MPPED2: variants seen among roughly 807,000 people sequenced by gnomAD.
The protein encoded by MPPED2 is metallophosphoesterase domain containing 2, also known as metallophosphoesterase MPPED2.
In MPPED2, 5 loss-of-function variants were observed where a neutral mutation model predicts 33.0. The ratio of observed to expected loss-of-function variants is 0.15; its 90% CI spans 0.08 to 0.32. MPPED2 has a LOEUF of 0.32. Among genes scored for constraint, MPPED2 ranks in the 10% least tolerant of loss-of-function variants. The pLI, the probability that MPPED2 is intolerant of heterozygous loss-of-function variation, is 1.00. For missense variants in MPPED2, 275 were observed against 372.1 expected (o/e 0.74, Z 2.15); for synonymous variants, 136 against 141.9 (o/e 0.96, Z 0.29).
At chr11:30,470,119 A>G (rs1251718344) in intron 4 of MPPED2, among the ~76,000 whole-genome samples, 1 of 152,106 alleles carries the variant, frequency 6.6e-6, no homozygotes, top group African/African-American at 2.4e-5. Context: ...ATGAAAATTT[A>G]TTATTCATTT....
chr11:30,514,081 T>G (rs1953381659), intron 3 of MPPED2, among the ~76,000 whole-genome samples: 1 of 152,190 alleles, frequency 6.6e-6, no homozygotes, highest in African/African-American at 2.4e-5. Flanking sequence ...CTTTCCTCAA[T>G]AGCACAGCCC....
At chr11:30,554,606 TCA>T (rs1955879143) in intron 2 of MPPED2, among the ~76,000 whole-genome samples, 5 of 142 alleles carry the variant, frequency 0.035, no homozygotes, top group African/African-American at 0.12. Context: ...TTCTCGTGCC[TCA>T]CTCAGCCTCC....
chr11:30,548,034 G>T (rs922673024), intron 2 of MPPED2, among the ~76,000 whole-genome samples: 1 of 152,120 alleles, frequency 6.6e-6, no homozygotes, highest in Non-Finnish European at 1.5e-5. Context: ...TCAGCAAACA[G>T]TGAGGTCACT....
chr11:30,429,259 C>T (rs1378320172), intron 4 of MPPED2: 3 of 152,178 alleles, frequency 2.0e-5, no homozygotes, highest in Non-Finnish European at 4.4e-5. Flanking sequence ...AGGAAAGCAC[C>T]TTCTGATAAG....
chr11:30,517,375 T>C (rs1335024196), intron 3 of MPPED2, among the ~76,000 whole-genome samples: 1 of 152,214 alleles, frequency 6.6e-6, no homozygotes, highest in Non-Finnish European at 1.5e-5. Context: ...ACTGGGCATA[T>C]TTCCCTAATA....
chr11:30,455,929 T>C (rs532333530), intron 4 of MPPED2, among the ~76,000 whole-genome samples: 5 of 152,356 alleles, frequency 3.3e-5, no homozygotes, highest in African/African-American at 1.2e-4. Flanking sequence ...CATGACTCTG[T>C]TTCTCCACTC....
intron 2 of MPPED2, among the ~76,000 whole-genome samples, chr11:30,568,075 C>A (rs1244145413): frequency 6.6e-6 from 1 of 152,166 alleles, no homozygotes; most frequent in Admixed American, 6.5e-5. Flanking sequence ...TAAAGACACA[C>A]AATATTATTA....
intron 3 of MPPED2, among the ~76,000 whole-genome samples, chr11:30,516,016 C>T (rs569090397): frequency 6.6e-6 from 1 of 152,294 alleles, no homozygotes; most frequent in Admixed American, 6.5e-5. Context: ...ATAGCAGGCA[C>T]AGCAAATGCA....
chr11:30,531,418 T>C (rs1954520564), intron 3 of MPPED2, among the ~76,000 whole-genome samples: 1 of 152,148 alleles, frequency 6.6e-6, no homozygotes, highest in South Asian at 2.1e-4. Context: ...CCTCCAGCTG[T>C]CTGATATAGG....
At chr11:30,524,289 G>A (rs780993744) in intron 3 of MPPED2, among the ~76,000 whole-genome samples, 1 of 151,954 alleles carries the variant, frequency 6.6e-6, no homozygotes, top group East Asian at 1.9e-4. Context: ...AAATAAGAGA[G>A]AGAACAGGGG....
chr11:30,425,122 C>A (rs758196079), intron 4 of MPPED2, among the ~76,000 whole-genome samples: 5 of 152,128 alleles, frequency 3.3e-5, no homozygotes, highest in Non-Finnish European at 7.3e-5. Context: ...ATAATGTGGT[C>A]TGTGTGTCAT....
At chr11:30,547,839 A>C (rs1286062682) in intron 2 of MPPED2, among the ~76,000 whole-genome samples, 1 of 151,016 alleles carries the variant, frequency 6.6e-6, no homozygotes, top group Non-Finnish European at 1.5e-5. Flanking sequence ...TATTTGAGTC[A>C]ATTTTAAAAA....
At chr11:30,440,187 G>A (rs768617515) in intron 4 of MPPED2, among the ~76,000 whole-genome samples, 6 of 152,044 alleles carry the variant, frequency 3.9e-5, no homozygotes, top group Admixed American at 6.5e-5. Context: ...AAAACTAGCC[G>A]GGCGTGGTGG....
At chr11:30,421,231 A>G (rs773327212) in intron 4 of MPPED2, among the ~76,000 whole-genome samples, 1 of 152,186 alleles carries the variant, frequency 6.6e-6, no homozygotes, top group Admixed American at 6.5e-5. Flanking sequence ...TTTCCCTTGC[A>G]GAATTTTCTC....
intron 4 of MPPED2, among the ~76,000 whole-genome samples, chr11:30,454,873 C>T (rs768614533): frequency 3.3e-5 from 5 of 152,278 alleles, no homozygotes; most frequent in East Asian, 1.9e-4. Flanking sequence ...GAGAATCTAG[C>T]GATCATATTC....
At chr11:30,559,869 T>C (rs1383487604) in intron 2 of MPPED2, among the ~76,000 whole-genome samples, 6 of 152,020 alleles carry the variant, frequency 3.9e-5, no homozygotes, top group Admixed American at 2.0e-4. Context: ...TTTTTGAAAA[T>C]AGTCTTCACA....
chr11:30,418,734 C>A (rs1948481439), intron 4 of MPPED2, among the ~76,000 whole-genome samples: 1 of 152,218 alleles, frequency 6.6e-6, no homozygotes, highest in African/African-American at 2.4e-5. Context: ...TAAAGTGACC[C>A]TAACCTTGTC....
chr11:30,552,186 T>C (rs553827883), intron 2 of MPPED2, among the ~76,000 whole-genome samples: 1 of 152,328 alleles, frequency 6.6e-6, no homozygotes, highest in South Asian at 2.1e-4. Context: ...AGTACTCCTA[T>C]CAGATAGGTA....
chr11:30,423,276 C>G (rs1948691057), intron 4 of MPPED2, among the ~76,000 whole-genome samples: 1 of 152,182 alleles, frequency 6.6e-6, no homozygotes, highest in African/African-American at 2.4e-5. Flanking sequence ...GTGGGCTACT[C>G]AGGGTCACAG....
Sources: gnomAD v4.1 joint callset for allele counts (sites outside exome capture counted in the v4.1 genomes callset) on GRCh38, gnomAD v4.1.1 for gene constraint, MANE v1.5 for transcripts, NCBI Gene and HGNC (gene_info 2026-07-23, HGNC 2026-07-21) for gene names.